Variants in BRSK2 observed in about 807,000 individuals in gnomAD.
BRSK2 encodes the protein BR serine/threonine kinase 2.
BRSK2 carries 19 observed loss-of-function variants against 83.3 expected under a neutral mutation model. The ratio of observed to expected loss-of-function variants is 0.23; its 90% confidence interval spans 0.16 to 0.33. The LOEUF is 0.33. Ranked by LOEUF, BRSK2 falls within the 10% of genes least tolerant of loss-of-function variation. The probability of loss-of-function intolerance (pLI) is 1.00; values close to 1 mark genes in which losing one functional copy is unlikely to be tolerated. For missense variants in BRSK2, 798 were observed against 1,042.3 expected (o/e 0.77, Z 3.23); for synonymous variants, 519 against 435.4 (o/e 1.19, Z -2.39).
intron 1 of BRSK2, among the ~76,000 whole-genome samples, chr11:1,400,060 C>T (rs1265163001): frequency 6.6e-6 from 1 of 152,208 alleles, no homozygotes; most frequent in Admixed American, 6.5e-5. Context: ...ACCAAAGGGC[C>T]GTTATCACCC....
Position 1,428,858 on chromosome 11 carries a change from CTG to C in BRSK2, c.92-7175_92-7174del, listed in dbSNP as rs377528453. On this transcript the variant is annotated intron_variant, in intron 1 of 19. Coordinates refer to ENST00000528841, the MANE Select transcript of BRSK2 (RefSeq NM_001256627.2). ...ATGGGTGTGTGTACAGGCGTGCGTACTGTGTGTGCATGGGTGTGTGCACACGG... is the reference window on the plus strand; with the variant it reads ...ATGGGTGTGTGTACAGGCGTGCGTACTGTGTGCATGGGTGTGTGCACACGG... Among the ~76,000 whole-genome samples the C allele has an allele frequency of 2.8e-3, 428 of 150,532 alleles. 3 individuals are homozygous for C. Among genetic ancestry groups the C allele is most frequent in the African/African-American group, 9.7e-3 (396 of 40,892 alleles).
At chr11:1,446,011 C>T (rs1852002791) in intron 12 of BRSK2, 104 bp downstream of exon 12, 1 of 1,417,062 alleles carries the variant, frequency 7.1e-7, no homozygotes, top group South Asian at 1.4e-5. Context: ...TCGGCTGAGG[C>T]CATTGGGTGG....
At chr11:1,411,555 C>G in intron 1 of BRSK2, 1 of 1,573,682 alleles carries the variant, frequency 6.4e-7, no homozygotes, top group Non-Finnish European at 8.6e-7. Flanking sequence ...TGGCCACACT[C>G]CCGGCCCACA....
At chr11:1,457,245 G>A (rs1025202007) in intron 18 of BRSK2, among the ~76,000 whole-genome samples, 1 of 152,168 alleles carries the variant, frequency 6.6e-6, no homozygotes, top group Non-Finnish European at 1.5e-5. Context: ...CCCTGCCCTC[G>A]GGACTCCCCG....
intron 1 of BRSK2, among the ~76,000 whole-genome samples, chr11:1,426,525 C>T (rs1007708805): frequency 3.3e-5 from 5 of 152,138 alleles, no homozygotes; most frequent in Non-Finnish European, 5.9e-5. Context: ...CTGGGTCTGT[C>T]CCCGCAAATG....
chr11:1,444,667 C>T (rs1182813220), intron 8 of BRSK2, among the ~76,000 whole-genome samples: 21 of 152,014 alleles, frequency 1.4e-4, no homozygotes, highest in Non-Finnish European at 1.9e-4. Context: ...CCTCTCCCTC[C>T]GCTCCCCAGG....
intron 12 of BRSK2, 135 bp from the exon 13 acceptor site, chr11:1,449,641 C>T (rs1845559754): frequency 2.9e-6 from 2 of 694,902 alleles, no homozygotes; most frequent in Non-Finnish European, 4.8e-6. Flanking sequence ...GGGTGTGCAG[C>T]AGGACCCAGG....
At chr11:1,456,558 G>A in intron 17 of BRSK2, 30 bp downstream of exon 17, 3 of 1,604,200 alleles carry the variant, frequency 1.9e-6, no homozygotes, top group Non-Finnish European at 2.6e-6. Flanking sequence ...GCGGCTCCGG[G>A]CCCAGGCCCG....
At position 1,390,645 on chromosome 11, in the gene BRSK2, G is replaced by C. The variant is rs1228758087; in HGVS notation, c.91+270G>C. Among the ~76,000 whole-genome samples the C allele has an allele frequency of 6.8e-6, 1 of 147,684 alleles. No individual in the cohort carries two copies. Among genetic ancestry groups the C allele is most frequent in the African/African-American group, 2.4e-5 (1 of 40,972 alleles). Reference sequence around the variant, plus strand: ...GCAGGCGGACAGGGGCGCACGGGACGGCGCCCCTCGGGCCCCGCTGCAGGT... The same window carrying C: ...GCAGGCGGACAGGGGCGCACGGGACCGCGCCCCTCGGGCCCCGCTGCAGGT... On this transcript the variant is annotated intron_variant, in intron 1 of 19. Transcript: ENST00000528841. The surrounding 1 kb of genome is among the most constrained non-coding windows in gnomAD (Gnocchi z 6.8).
At chr11:1,403,416 G>A (rs1386357530) in intron 1 of BRSK2, among the ~76,000 whole-genome samples, 1 of 149,526 alleles carries the variant, frequency 6.7e-6, no homozygotes, top group Non-Finnish European at 1.5e-5. Context: ...TGGTGCTGGG[G>A]TTGGAGCTGA....
chr11:1,457,160 G>A, intron 18 of BRSK2: 1 of 1,029,204 alleles, frequency 9.7e-7, no homozygotes, highest in Non-Finnish European at 1.4e-6. Context: ...TCTCGGCCCT[G>A]GACAGGCCAA....
At chr11:1,410,333 T>C (rs1164427352) in intron 1 of BRSK2, 12 of 143,600 alleles carry the variant, frequency 8.4e-5, no homozygotes, top group Non-Finnish European at 2.9e-5. Flanking sequence ...AGTCCGTGTT[T>C]GGGGGGGTTT....
chr11:1,413,673 A>G (rs1413267191), intron 1 of BRSK2, among the ~76,000 whole-genome samples: 13 of 152,130 alleles, frequency 8.5e-5, no homozygotes. Flanking sequence ...CCACCCACTG[A>G]CCCTGACAAC....
intron 1 of BRSK2, among the ~76,000 whole-genome samples, chr11:1,404,822 T>A (rs1846724720): frequency 6.6e-6 from 1 of 152,110 alleles, no homozygotes; most frequent in African/African-American, 2.4e-5. Flanking sequence ...CTGCGACGGC[T>A]CCTCTGGGAC....
intron 15 of BRSK2, among the ~76,000 whole-genome samples, chr11:1,453,387 C>T (rs1285421847): frequency 6.6e-6 from 1 of 152,368 alleles, no homozygotes; most frequent in East Asian, 1.9e-4. Flanking sequence ...GTCTCTTCAT[C>T]GGGCAGAACA....
intron 1 of BRSK2, among the ~76,000 whole-genome samples, chr11:1,402,173 G>T (rs117463100): frequency 0.024 from 3,622 of 152,300 alleles, 57 homozygotes; most frequent in Non-Finnish European, 0.033. Context: ...GGGAAGGCTG[G>T]GGGGCCTGAC....
chr11:1,435,297 G>T (rs866461745), intron 1 of BRSK2, among the ~76,000 whole-genome samples: 1 of 3,736 alleles, frequency 2.7e-4, no homozygotes, highest in Admixed American at 1.8e-3. Flanking sequence ...CTCGGCGGAG[G>T]AGGGGTGCCG....
At chr11:1,422,160 GC>G (rs1437094892) in intron 1 of BRSK2, among the ~76,000 whole-genome samples, 3 of 152,192 alleles carry the variant, frequency 2.0e-5, no homozygotes, top group Non-Finnish European at 4.4e-5. Context: ...CCCCCCATGA[GC>G]CCCTCACGGG....
At chr11:1,400,656 T>TC (rs937433319) in intron 1 of BRSK2, among the ~76,000 whole-genome samples, 2 of 146,390 alleles carry the variant, frequency 1.4e-5, no homozygotes, top group African/African-American at 4.9e-5. Context: ...GCAGGTGGTC[T>TC]CGGGGGGCAG....
Sources: allele counts gnomAD v4.1 joint callset (sites outside exome capture counted in the v4.1 genomes callset), GRCh38; gene constraint gnomAD v4.1.1; non-coding constraint Gnocchi (gnomAD v3.1); transcripts MANE v1.5; gene names NCBI Gene and HGNC (gene_info 2026-07-23, HGNC 2026-07-21).